The following FAM186A variants were observed in gnomAD, a reference collection of about 807,000 sequenced individuals.
FAM186A encodes family with sequence similarity 186 member A.
A neutral mutation model predicts 216.8 loss-of-function variants in FAM186A; 163 were observed. The ratio of observed to expected loss-of-function variants is 0.75; its 90% confidence interval spans 0.66 to 0.86. The LOEUF is 0.86. Among genes scored for constraint, FAM186A ranks in the 40% least tolerant of loss-of-function variants. FAM186A has a pLI of 0.00. For synonymous variants in FAM186A, 805 were observed against 1,025.3 expected (o/e 0.79, Z 4.10); for missense variants, 2,184 against 2,746.2 (o/e 0.80, Z 4.58).
At chr12:50,334,208 T>G in intron 4 of FAM186A, 105 bp from the exon 5 acceptor site, 4 of 1,022,084 alleles carry the variant, frequency 3.9e-6, no homozygotes, top group Non-Finnish European at 5.5e-6. Context: ...TTCGATCTTG[T>G]TGCCCAGGCT....
chr12:50,358,938 GT>G (rs1943005196), intron 3 of FAM186A, among the ~76,000 whole-genome samples: 2 of 144,346 alleles, frequency 1.4e-5, no homozygotes, highest in Non-Finnish European at 3.0e-5. Flanking sequence ...AAAAAAAAAA[GT>G]TAAAACTCAA....
chr12:50,332,857 A>G (rs753826053), intron 5 of FAM186A, among the ~76,000 whole-genome samples: 15 of 151,950 alleles, frequency 9.9e-5, no homozygotes, highest in Non-Finnish European at 2.2e-4. Flanking sequence ...GTGAAACCCC[A>G]TCTCTACTAA....
At chr12:50,327,540 C>CT (rs781530836) in intron 7 of FAM186A, 136 bp from the exon 8 acceptor site, 22,035 of 474,608 alleles carry the variant, frequency 0.046, 296 homozygotes, top group East Asian at 0.11. Context: ...GTATGTAATC[C>CT]TTTTTTTTTT....
intron 3 of FAM186A, among the ~76,000 whole-genome samples, chr12:50,357,643 A>G (rs1942991749): frequency 6.6e-6 from 1 of 152,260 alleles, no homozygotes; most frequent in South Asian, 2.1e-4. Context: ...TTTGAAATTG[A>G]CCAAAGGCAT....
Position 50,360,919 on chromosome 12 carries a change from A to C in FAM186A, c.420T>G (p.Val140=), listed in dbSNP as rs773976101. The C allele has an allele frequency of 1.3e-6, 2 of 1,537,670 alleles. No individual in the cohort carries two copies. The highest frequency in any genetic ancestry group is 1.7e-6 in the Non-Finnish European group (2 of 1,143,528). ...ILAWLEEWND[V]LSEMTLMDVD... ...CATCCATTAGAGTCATCTCAGACAA[A>C]ACATCATCTTGAAGAGAGTAAAAAA... Residue 140 remains valine (V), a synonymous_variant, in exon 3 of 8, where the codon GTT becomes GTG. Coordinates refer to ENST00000327337, the MANE Select transcript of FAM186A (RefSeq NM_001145475.3).
At chr12:50,365,383 T>A (rs114589448) in intron 1 of FAM186A, among the ~76,000 whole-genome samples, 1,688 of 152,316 alleles carry the variant, frequency 0.011, 28 homozygotes, top group African/African-American at 0.037. Context: ...GCTTTCCTTT[T>A]ACTTATACTC....
chr12:50,365,949 C>T (rs754256904), intron 1 of FAM186A: 43 of 764,410 alleles, frequency 5.6e-5, no homozygotes, highest in Non-Finnish European at 9.1e-5. Flanking sequence ...TGTGGGCCCT[C>T]GCCCCAGCAA....
At position 50,330,645 on chromosome 12, in the gene FAM186A, G is replaced by A; in HGVS notation, c.6962C>T (p.Pro2321Leu). The change falls in exon 7 of 8, where the codon CCA (proline) becomes CTA (leucine). Residue 2321 changes from proline (P) to leucine (L), a missense_variant. This residue lies in a region of FAM186A where 721 missense variants were observed against 816.4 expected (regional missense o/e 0.88). Coordinates refer to ENST00000327337, the MANE Select transcript of FAM186A (RefSeq NM_001145475.3). ...HSLWAQLGGY[P>L]DIPRLLQLEV... ...TAACTGAAGCAGCCTGGGAATATCT[G>A]GGTACCCACCCAGCTGGGCCCAGAG... 1 of 1,550,442 alleles carries A rather than the reference G, an allele frequency of 6.4e-7. No individual in the cohort carries two copies. The highest frequency in any genetic ancestry group is 8.7e-7 in the Non-Finnish European group (1 of 1,146,472).
At position 50,353,566 on chromosome 12, in the gene FAM186A, G is replaced by T; in HGVS notation, c.3266C>A (p.Pro1089His). ...QAQEVGITLT[P>H]QQAQAQGITL... ...GATCCCCTGAGCCTGGGCCTGCTGA[G>T]GAGTGAGTGTGATCCCCACTTCCTG... The change falls in exon 4 of 8, where the codon CCT becomes CAT. Residue 1089 changes from proline to histidine, a missense_variant. Physicochemically the swap from Pro to His is moderately conservative, Grantham distance 77. Coordinates refer to ENST00000327337, the MANE Select transcript of FAM186A (RefSeq NM_001145475.3). 1 of 1,528,908 alleles carries T rather than the reference G, an allele frequency of 6.5e-7. No individual in the cohort carries two copies. The highest frequency in any genetic ancestry group is 2.1e-5 in the Admixed American group (1 of 47,948). 94.7% of individuals were successfully genotyped at this position (1,528,908 alleles called of 1,614,324 possible).
intron 4 of FAM186A, among the ~76,000 whole-genome samples, chr12:50,341,200 G>T (rs1187529940): frequency 2.6e-5 from 4 of 152,278 alleles, no homozygotes; most frequent in Middle Eastern, 3.4e-3. Flanking sequence ...CTTAAATGTA[G>T]AATTCTTCAC....
At chr12:50,328,576 C>T (rs1271221019) in intron 7 of FAM186A, among the ~76,000 whole-genome samples, 2 of 151,950 alleles carry the variant, frequency 1.3e-5, no homozygotes, top group Admixed American at 6.6e-5. Flanking sequence ...GGAGCGATCT[C>T]GGCTCACTGC....
rs1345789876 is a variant in FAM186A, at chr12:50,356,092, G to A, written c.740C>T (p.Thr247Ile). 16 of 1,551,552 alleles carry A rather than the reference G, an allele frequency of 1.0e-5. No individual in the cohort carries two copies. The highest frequency in any genetic ancestry group is 1.4e-5 in the Non-Finnish European group (16 of 1,146,960). The change falls in exon 4 of 8, where the codon ACC becomes ATC. Residue 247 changes from threonine (T) to isoleucine (I), a missense_variant. Thr to Ile is a moderately conservative substitution (Grantham distance 89). Coordinates refer to ENST00000327337, the MANE Select transcript of FAM186A (RefSeq NM_001145475.3). The part of the protein sequence containing the change: ...IQGMLQELIG[T>I]TMFSTLENNA... The stretch of plus-strand genomic sequence containing the variant: ...GTTTTCCAATGTACTGAACATTGTG[G>A]TGCCTATGAGTTCCTGTAGCATACC...
intron 4 of FAM186A, among the ~76,000 whole-genome samples, chr12:50,340,132 C>T (rs1337195844): frequency 6.6e-6 from 1 of 152,158 alleles, no homozygotes; most frequent in Non-Finnish European, 1.5e-5. Context: ...GCCACAGTGC[C>T]CTGCCTGTCT....
intron 1 of FAM186A, among the ~76,000 whole-genome samples, chr12:50,381,147 C>G (rs925262865): frequency 2.0e-5 from 3 of 152,214 alleles, no homozygotes; most frequent in Non-Finnish European, 4.4e-5. Flanking sequence ...GTTTCTAGGT[C>G]TGGGCTCCCC....
At chr12:50,327,903 C>T (rs1009129052) in intron 7 of FAM186A, among the ~76,000 whole-genome samples, 1 of 152,014 alleles carries the variant, frequency 6.6e-6, no homozygotes, top group African/African-American at 2.4e-5. Flanking sequence ...GACCCAAAAT[C>T]GGGAAGAAAA....
chr12:50,329,089 T>TA (rs1942631628), intron 7 of FAM186A, among the ~76,000 whole-genome samples: 1 of 152,042 alleles, frequency 6.6e-6, no homozygotes, highest in Non-Finnish European at 1.5e-5. Flanking sequence ...CACTGCACTC[T>TA]AGCATGGACG....
chr12:50,395,143 G>A (rs768146818), intron 1 of FAM186A, among the ~76,000 whole-genome samples: 7 of 152,164 alleles, frequency 4.6e-5, no homozygotes, highest in South Asian at 2.1e-4. Context: ...CACCCATGCT[G>A]AGTGGGGTGC....
chr12:50,340,470 G>C (rs1030703499), intron 4 of FAM186A, among the ~76,000 whole-genome samples: 1 of 152,040 alleles, frequency 6.6e-6, no homozygotes, highest in Non-Finnish European at 1.5e-5. Context: ...AGTAGCTTGA[G>C]AGGCCAAGGC....
intron 1 of FAM186A, among the ~76,000 whole-genome samples, chr12:50,379,310 G>T (rs1342103505): frequency 6.6e-6 from 1 of 151,904 alleles, no homozygotes; most frequent in East Asian, 1.9e-4. Context: ...TGTGGTGGTG[G>T]GCGCCTGTAG....
Sources: allele counts gnomAD v4.1 joint callset (sites outside exome capture counted in the v4.1 genomes callset), GRCh38; gene constraint gnomAD v4.1.1; regional missense constraint gnomAD v4.1.1; transcripts MANE v1.5; gene names NCBI Gene and HGNC (gene_info 2026-07-23, HGNC 2026-07-21).